The following MAP7D2 variants were observed in gnomAD, a reference collection of about 807,000 sequenced individuals.
The protein encoded by MAP7D2 is MAP7 domain-containing protein 2.
A neutral mutation model predicts 63.5 loss-of-function variants in MAP7D2; 33 were observed. The ratio of observed to expected loss-of-function variants is 0.52; its 90% CI spans 0.39 to 0.70. MAP7D2 has a LOEUF of 0.70. Among genes scored for constraint, MAP7D2 ranks in the 30% least tolerant of loss-of-function variants. MAP7D2 has a pLI of 0.00. For missense variants in MAP7D2, 626 were observed against 604.0 expected, an observed-to-expected ratio of 1.04 and a Z score of -0.38; for synonymous variants, 224 against 223.7, an observed-to-expected ratio of 1.00 and a Z score of -0.01.
chrX:20,091,238 A>G (rs1055850806), intron 1 of MAP7D2, among the ~76,000 whole-genome samples: 12 of 107,104 alleles, frequency 1.1e-4, no homozygotes, highest in African/African-American at 4.1e-4. Flanking sequence ...TTTTTACTAG[A>G]GATGGGGTTT....
chrX:20,098,984 G>A (rs1173889369), intron 1 of MAP7D2, among the ~76,000 whole-genome samples: 2 of 112,643 alleles, frequency 1.8e-5, no homozygotes, highest in Non-Finnish European at 3.8e-5. Context: ...GACCCACTCT[G>A]GCACAGCCAG....
At chrX:20,094,952 G>C (rs1005808511) in intron 1 of MAP7D2, among the ~76,000 whole-genome samples, 11 of 109,145 alleles carry the variant, frequency 1.0e-4, no homozygotes, top group African/African-American at 3.7e-4. Flanking sequence ...AGTCCTAAGA[G>C]GCTATAAAAA....
intron 8 of MAP7D2, among the ~76,000 whole-genome samples, chrX:20,032,357 G>C (rs139609586): frequency 0.038 from 4,249 of 111,183 alleles, 134 homozygotes; most frequent in African/African-American, 0.098. Context: ...GGAGCCTAGT[G>C]TGCTGTAGAT....
At chrX:20,050,729 T>TA (rs1401082502) in intron 6 of MAP7D2, 95 bp downstream of exon 6, 1 of 979,395 alleles carries the variant, frequency 1.0e-6, no homozygotes. Context: ...AGCCAGCAAA[T>TA]AGGAAGCAAA....
At chrX:20,047,449 T>C (rs12557425) in intron 6 of MAP7D2, among the ~76,000 whole-genome samples, 1,260 of 111,517 alleles carry the variant, frequency 0.011, 54 homozygotes, top group Admixed American at 0.093. Flanking sequence ...GGGCCTGAGC[T>C]GATGCCACAG....
intron 1 of MAP7D2, among the ~76,000 whole-genome samples, chrX:20,106,605 C>T (rs1450219762): frequency 8.9e-6 from 1 of 112,408 alleles, no homozygotes; most frequent in East Asian, 2.8e-4. Flanking sequence ...AATACAGTAG[C>T]CACTAGCCGC....
chrX:20,051,046 G>A, intron 5 of MAP7D2, 100 bp from the exon 6 acceptor site: 2 of 684,375 alleles, frequency 2.9e-6, no homozygotes, highest in Non-Finnish European at 4.0e-6. Flanking sequence ...TTAACTTTTG[G>A]GTGGCAGAAC....
chrX:20,029,503 CCTTG>C (rs959241591), intron 8 of MAP7D2, among the ~76,000 whole-genome samples: 6 of 112,172 alleles, frequency 5.3e-5, no homozygotes, highest in African/African-American at 1.9e-4. Flanking sequence ...CCCTGAACAG[CCTTG>C]CTTGTTTTAA....
At chrX:20,116,058 G>A (rs2066883259) in intron 1 of MAP7D2, among the ~76,000 whole-genome samples, 1 of 112,989 alleles carries the variant, frequency 8.9e-6, no homozygotes, top group African/African-American at 3.2e-5. Context: ...TGGGCAGCCA[G>A]GGACCAGCCC....
chrX:20,101,462 T>C (rs2066434989), intron 1 of MAP7D2, among the ~76,000 whole-genome samples: 1 of 112,476 alleles, frequency 8.9e-6, no homozygotes, highest in African/African-American at 3.2e-5. Context: ...TCTCGCAGAA[T>C]GGAACTTGTG....
At chrX:20,093,683 A>G (rs2066132726) in intron 1 of MAP7D2, among the ~76,000 whole-genome samples, 1 of 111,373 alleles carries the variant, frequency 9.0e-6, no homozygotes, top group Admixed American at 9.6e-5. Flanking sequence ...AAAAATAAAA[A>G]ATAACCATTA....
intron 8 of MAP7D2, among the ~76,000 whole-genome samples, chrX:20,027,443 A>T (rs955163247): frequency 8.9e-6 from 1 of 111,829 alleles, no homozygotes; most frequent in Non-Finnish European, 1.9e-5. Flanking sequence ...CCCGCAGAGC[A>T]GGCTTCCTCA....
intron 8 of MAP7D2, among the ~76,000 whole-genome samples, chrX:20,029,228 C>T (rs1430960627): frequency 8.9e-6 from 1 of 112,331 alleles, no homozygotes; most frequent in East Asian, 2.8e-4. Context: ...ACTCCGACCA[C>T]AAGGGTCTCC....
At chrX:20,077,025 A>G (rs1361190018) in intron 1 of MAP7D2, among the ~76,000 whole-genome samples, 1 of 113,097 alleles carries the variant, frequency 8.8e-6, no homozygotes, top group Non-Finnish European at 1.9e-5. Context: ...TACAAAGTGC[A>G]TAGTACTTTG....
At chrX:20,063,645 A>G in intron 2 of MAP7D2, 68 bp from the exon 3 acceptor site, 1 of 1,116,166 alleles carries the variant, frequency 9.0e-7, no homozygotes, top group Non-Finnish European at 1.2e-6. Context: ...TTAAGACCAA[A>G]AACAAGGAAG....
intron 8 of MAP7D2, among the ~76,000 whole-genome samples, chrX:20,038,232 G>C (rs775748487): frequency 8.9e-6 from 1 of 111,979 alleles, no homozygotes; most frequent in African/African-American, 3.3e-5. Flanking sequence ...TATCCTGCAC[G>C]CAATGCTTCT....
intron 3 of MAP7D2, among the ~76,000 whole-genome samples, chrX:20,059,729 GA>G (rs1217104184): frequency 1.0e-4 from 11 of 107,060 alleles, no homozygotes; most frequent in Non-Finnish European, 1.4e-4. Context: ...AAGAAGGAAG[GA>G]AAAAAAGAAG....
rs776905732 is a variant in MAP7D2 at position 20,095,178 on chromosome X, T to C, written c.130+21572A>G. Among the ~76,000 whole-genome samples the C allele has an allele frequency of 2.7e-5, 3 of 112,139 alleles. No individual in the cohort carries two copies. The South Asian group carries it at 1.1e-3, about 42-fold the overall frequency. On this transcript the variant is annotated intron_variant, in intron 1 of 16. Coordinates refer to ENST00000379643, the MANE Select transcript of MAP7D2 (RefSeq NM_001168465.2). ...CTTTACAAGAATGAAATTTATGTTA[T>C]TGTGAGTTATATCTCAACAATGATT...
Position 20,064,754 on chromosome X carries a change from C to T in MAP7D2, c.182G>A (p.Arg61Lys), listed in dbSNP as rs750604289. The part of the protein sequence containing the change: ...SDERQRLAKE[R>K]REEREKCLAA... ...CAGACATTTTTCTCTTTCTTCTCGTCTTTCTTTGGCCAATCTCTGCCTCTC... is the reference window on the plus strand; with the variant it reads ...CAGACATTTTTCTCTTTCTTCTCGTTTTTCTTTGGCCAATCTCTGCCTCTC... Residue 61 changes from arginine (R) to lysine (K), a missense_variant, in exon 2 of 17, where the codon AGA becomes AAA. Arg to Lys is a conservative substitution (Grantham distance 26, BLOSUM62 2). Transcript: ENST00000379643. The T allele has an allele frequency of 8.3e-7, 1 of 1,211,552 alleles. No homozygotes were observed. Among genetic ancestry groups the T allele is most frequent in the Non-Finnish European group, 1.1e-6 (1 of 895,272 alleles).
Sources: gnomAD v4.1 joint callset for allele counts (sites outside exome capture counted in the v4.1 genomes callset) on GRCh38, gnomAD v4.1.1 for gene constraint, MANE v1.5 for transcripts, NCBI Gene and HGNC (gene_info 2026-07-23, HGNC 2026-07-21) for gene names.